The following ERC2 variants were observed in gnomAD, a reference collection of about 807,000 sequenced individuals.
ERC2 encodes ERC protein 2.
Under a neutral mutation model 114.8 loss-of-function variants are expected in ERC2, and 42 were observed. That is an observed-to-expected ratio of 0.37 (90% CI 0.29 to 0.47). The LOEUF (loss-of-function observed/expected upper bound fraction) is 0.47, where lower values mean the gene tolerates loss of function less well. Among genes scored for constraint, ERC2 ranks in the 20% least tolerant of loss-of-function variants. ERC2 has a pLI of 0.99. For synonymous variants in ERC2, 454 were observed against 425.5 expected, an observed-to-expected ratio of 1.07 and a Z score of -0.82; for missense variants, 939 against 1,150.7, an observed-to-expected ratio of 0.82 and a Z score of 2.66.
At position 55,930,554 on chromosome 3, in the gene ERC2, C is replaced by G. The variant is rs1576244802; in HGVS notation, c.2403+19871G>C. On this transcript the variant is annotated intron_variant, in intron 13 of 17. Transcript: ENST00000288221. ...GTTGGGAAAACGGGCTAGCCATATGCAGAAAACTGAAACTGGACCCCTTCC... is the reference window on the plus strand; with the variant it reads ...GTTGGGAAAACGGGCTAGCCATATGGAGAAAACTGAAACTGGACCCCTTCC... 4.6e-5 allele frequency among the ~76,000 whole-genome samples: 7 copies of G among 152,188 alleles called. No homozygotes were observed. The East Asian group carries it at 1.4e-3, about 29-fold the overall frequency.
chr3:56,177,339 G>A (rs1338503265), intron 3 of ERC2, among the ~76,000 whole-genome samples: 1 of 152,152 alleles, frequency 6.6e-6, no homozygotes, highest in Non-Finnish European at 1.5e-5. Flanking sequence ...AACCATCTGA[G>A]CGATGCACCC....
At chr3:55,876,752 T>C (rs2062867799) in intron 14 of ERC2, among the ~76,000 whole-genome samples, 1 of 152,306 alleles carries the variant, frequency 6.6e-6, no homozygotes, top group South Asian at 2.1e-4. Context: ...CAGCAGGCAT[T>C]GATGGAACAG....
chr3:56,282,892 T>C (rs903588283), intron 3 of ERC2, among the ~76,000 whole-genome samples: 5 of 152,168 alleles, frequency 3.3e-5, no homozygotes, highest in Admixed American at 2.0e-4. Context: ...CACATTTGTA[T>C]CTGCAGGGCA....
intron 2 of ERC2, among the ~76,000 whole-genome samples, chr3:56,406,049 T>C (rs572199448): frequency 2.0e-5 from 3 of 152,004 alleles, no homozygotes; most frequent in South Asian, 2.1e-4. Context: ...CGTGCCACCA[T>C]GCTCAGCTAA....
intron 17 of ERC2, among the ~76,000 whole-genome samples, chr3:55,614,015 A>T (rs2059021949): frequency 8.5e-6 from 1 of 118,292 alleles, no homozygotes; most frequent in Admixed American, 9.3e-5. Flanking sequence ...AAAAAAAAAG[A>T]AGACATGGCT....
intron 14 of ERC2, among the ~76,000 whole-genome samples, chr3:55,767,313 A>C (rs1020531161): frequency 2.6e-5 from 4 of 152,122 alleles, no homozygotes; most frequent in Admixed American, 2.6e-4. Context: ...ACTTTTTTCC[A>C]TTGCTAACAT....
At chr3:55,976,187 G>T (rs923282395) in intron 12 of ERC2, among the ~76,000 whole-genome samples, 1 of 152,104 alleles carries the variant, frequency 6.6e-6, no homozygotes, top group Non-Finnish European at 1.5e-5. Context: ...ATACAGGTGG[G>T]TCTCACCGAA....
chr3:55,733,973 C>T (rs1187718039), intron 15 of ERC2, among the ~76,000 whole-genome samples: 1 of 152,202 alleles, frequency 6.6e-6, no homozygotes, highest in Non-Finnish European at 1.5e-5. Flanking sequence ...TCATTGCTTA[C>T]AAGAGTCACC....
At chr3:55,687,224 T>G (rs2062378503) in intron 16 of ERC2, among the ~76,000 whole-genome samples, 1 of 152,156 alleles carries the variant, frequency 6.6e-6, no homozygotes, top group African/African-American at 2.4e-5. Flanking sequence ...GACTTGTTGT[T>G]GTGGGGGGGC....
At chr3:56,116,296 T>C (rs1367522144) in intron 6 of ERC2, among the ~76,000 whole-genome samples, 2 of 152,206 alleles carry the variant, frequency 1.3e-5, no homozygotes, top group African/African-American at 2.4e-5. Flanking sequence ...TTTAGAAATA[T>C]TTATGACCAA....
intron 8 of ERC2, among the ~76,000 whole-genome samples, chr3:56,013,480 G>A (rs2073098012): frequency 6.6e-6 from 1 of 152,164 alleles, no homozygotes; most frequent in African/African-American, 2.4e-5. Flanking sequence ...TCTATCACCT[G>A]TGAGCTACTG....
At chr3:55,591,419 C>T (rs2057874808) in intron 17 of ERC2, among the ~76,000 whole-genome samples, 1 of 152,060 alleles carries the variant, frequency 6.6e-6, no homozygotes, top group Non-Finnish European at 1.5e-5. Context: ...AATGGAACCC[C>T]TCAACTAGTT....
intron 2 of ERC2, among the ~76,000 whole-genome samples, chr3:56,381,765 G>C (rs887321002): frequency 1.9e-4 from 29 of 151,836 alleles, no homozygotes; most frequent in Non-Finnish European, 1.3e-4. Flanking sequence ...GAAAAAAAGG[G>C]GGGGGTGGAA....
chr3:56,444,204 C>T (rs2062455972), intron 1 of ERC2, among the ~76,000 whole-genome samples: 1 of 151,424 alleles, frequency 6.6e-6, no homozygotes, highest in African/African-American at 2.4e-5. Context: ...ATCTCCTGAC[C>T]TCGTGATCTG....
At chr3:56,397,797 C>A (rs1268601879) in intron 2 of ERC2, among the ~76,000 whole-genome samples, 1 of 152,206 alleles carries the variant, frequency 6.6e-6, no homozygotes, top group Non-Finnish European at 1.5e-5. Context: ...TGCTCTGGTA[C>A]TTTACAGTAT....
At chr3:56,348,964 GAAA>G (rs1339395180) in intron 2 of ERC2, among the ~76,000 whole-genome samples, 6 of 97,098 alleles carry the variant, frequency 6.2e-5, no homozygotes, top group African/African-American at 8.9e-5. Context: ...AGGAAAGAAA[GAAA>G]GAAGGAAAGA....
intron 7 of ERC2, among the ~76,000 whole-genome samples, chr3:56,027,058 G>A (rs1411485278): frequency 5.9e-5 from 9 of 152,178 alleles, no homozygotes; most frequent in African/African-American, 2.2e-4. Context: ...TATAAATAAA[G>A]TCACACAGTA....
chr3:56,249,081 G>C (rs997931484), intron 3 of ERC2, among the ~76,000 whole-genome samples: 6 of 152,210 alleles, frequency 3.9e-5, no homozygotes, highest in African/African-American at 1.4e-4. Flanking sequence ...GAGGCCATCA[G>C]GCCAAGAAAT....
intron 15 of ERC2, among the ~76,000 whole-genome samples, chr3:55,716,855 A>G (rs925277727): frequency 3.3e-5 from 5 of 152,176 alleles, no homozygotes; most frequent in Admixed American, 2.6e-4. Context: ...TTACATTTCC[A>G]GTAGGTGAAT....
Sources: allele counts gnomAD v4.1 joint callset (sites outside exome capture counted in the v4.1 genomes callset), GRCh38; gene constraint gnomAD v4.1.1; transcripts MANE v1.5; gene names NCBI Gene and HGNC (gene_info 2026-07-23, HGNC 2026-07-21).